The following TARS1 variants were observed in gnomAD, a reference collection of about 807,000 sequenced individuals.
TARS1 encodes threonyl-tRNA synthetase 1.
A neutral mutation model predicts 97.7 loss-of-function variants in TARS1; 57 were observed. The ratio of observed to expected loss-of-function variants is 0.58; its 90% CI spans 0.47 to 0.73. The LOEUF (loss-of-function observed/expected upper bound fraction) is 0.73, where lower values mean the gene tolerates loss of function less well. TARS1 is among the 30% of genes least tolerant of loss of function. TARS1 has a pLI of 0.00. For missense variants in TARS1, 806 were observed against 888.3 expected (o/e 0.91, Z 1.18); for synonymous variants, 312 against 293.7 (o/e 1.06, Z -0.64).
At chr5:33,464,441 T>C (rs1742439400) in intron 17 of TARS1, among the ~76,000 whole-genome samples, 1 of 152,176 alleles carries the variant, frequency 6.6e-6, no homozygotes, top group Non-Finnish European at 1.5e-5. Context: ...AAAAACTAAC[T>C]TACCAACAAA....
chr5:33,445,173 T>G (rs1189767426), intron 1 of TARS1, 151 bp from the exon 2 acceptor site: 1 of 561,294 alleles, frequency 1.8e-6, no homozygotes, highest in East Asian at 3.1e-5. Context: ...TCTTTGCCAG[T>G]GATGAAATTG....
intron 17 of TARS1, 100 bp from the exon 18 acceptor site, chr5:33,466,771 C>A: frequency 1.5e-6 from 1 of 686,856 alleles, no homozygotes; most frequent in South Asian, 3.1e-5. Context: ...CCTGGAAGTT[C>A]ATCCAAGAAG....
At chr5:33,450,557 C>T (rs925529030) in intron 3 of TARS1, among the ~76,000 whole-genome samples, 1 of 152,178 alleles carries the variant, frequency 6.6e-6, no homozygotes, top group East Asian at 1.9e-4. Flanking sequence ...TAATACCATG[C>T]AAGTTTCTAT....
chr5:33,450,400 C>A (rs181233241), intron 3 of TARS1, among the ~76,000 whole-genome samples: 1 of 152,248 alleles, frequency 6.6e-6, no homozygotes, highest in East Asian at 1.9e-4. Context: ...AGAAGCAGAA[C>A]CAGTTAGGCC....
intron 10 of TARS1, 66 bp downstream of exon 10, chr5:33,458,730 T>A (rs573319846): frequency 1.7e-6 from 2 of 1,205,464 alleles, no homozygotes; most frequent in African/African-American, 3.1e-5. Context: ...AAATAAGGTC[T>A]ACTAAAAGGA....
chr5:33,454,916 G>T (rs979824820), intron 4 of TARS1, 29 bp from the exon 5 acceptor site: 1 of 1,611,162 alleles, frequency 6.2e-7, no homozygotes, highest in Non-Finnish European at 8.5e-7. Flanking sequence ...CCAAGACTCA[G>T]ACCATGCCAT....
rs9686398 is a variant in TARS1, at chr5:33,463,539, T to G, written c.1836-214T>G. 7.7e-3 allele frequency among the ~76,000 whole-genome samples: 1,170 copies of G among 152,246 alleles called. 18 individuals carry two copies. Among genetic ancestry groups the G allele is most frequent in the African/African-American group, 0.027 (1,115 of 41,544 alleles). ...GCAAGACAAATTGTAGTTACAGGCTTTCCTTACGTAGGGTTAGTTTTCTTC... is the reference window on the plus strand; with the variant it reads ...GCAAGACAAATTGTAGTTACAGGCTGTCCTTACGTAGGGTTAGTTTTCTTC... On this transcript the variant is annotated intron_variant, in intron 16 of 18. Coordinates refer to ENST00000265112, the MANE Select transcript of TARS1 (RefSeq NM_152295.5).
At chr5:33,445,138 G>A (rs552670482) in intron 1 of TARS1, among the ~76,000 whole-genome samples, 186 bp from the exon 2 acceptor site, 1 of 152,200 alleles carries the variant, frequency 6.6e-6, no homozygotes, top group African/African-American at 2.4e-5. Flanking sequence ...TTAAAGACTT[G>A]CCTTTATTGT....
At chr5:33,454,112 A>G (rs1741894736) in intron 4 of TARS1, among the ~76,000 whole-genome samples, 1 of 152,142 alleles carries the variant, frequency 6.6e-6, no homozygotes, top group South Asian at 2.1e-4. Flanking sequence ...TAATTTCTGT[A>G]TTTTTTTCTC....
intron 1 of TARS1, among the ~76,000 whole-genome samples, chr5:33,444,732 C>T (rs1741322144): frequency 6.6e-6 from 1 of 152,192 alleles, no homozygotes; most frequent in Non-Finnish European, 1.5e-5. Context: ...TCAGAATCCA[C>T]CTGTTGAAAT....
rs148940583 is a variant in TARS1 at position 33,443,228 on chromosome 5, C to T, written c.57+2085C>T. Among the ~76,000 whole-genome samples, 694 of 151,638 alleles carry T rather than the reference C, an allele frequency of 4.6e-3. 4 individuals are homozygous for T. Among genetic ancestry groups the T allele is most frequent in the Non-Finnish European group, 8.0e-3 (545 of 67,950 alleles). On this transcript the variant is annotated intron_variant, in intron 1 of 18. Transcript: ENST00000265112. ...TCTATTACTTAATGATACAAATGGG[C>T]AAGTTACTTCTTTGAGCCAGTGTTC...
At chr5:33,462,731 C>G (rs1742353357) in intron 16 of TARS1, among the ~76,000 whole-genome samples, 1 of 152,152 alleles carries the variant, frequency 6.6e-6, no homozygotes, top group Non-Finnish European at 1.5e-5. Context: ...GGCCACATAA[C>G]TTTCATCTTA....
In TARS1 at chr5:33,467,490, T is replaced by C. The variant is rs867378606; in HGVS notation, c.2024-70T>C. The C allele has an allele frequency of 5.2e-6, 8 of 1,545,628 alleles. No individual in the cohort carries two copies. In the Middle Eastern group the frequency reaches 1.4e-3, roughly 268 times the overall value. ...TTTTGGGTCCTAGGATCATTTCTTTTCAGATGTTCAGTGTGAATTCTTCCA... is the reference window on the plus strand; with the variant it reads ...TTTTGGGTCCTAGGATCATTTCTTTCCAGATGTTCAGTGTGAATTCTTCCA... On this transcript the variant is annotated intron_variant, in intron 18 of 18. Coordinates refer to ENST00000265112, the MANE Select transcript of TARS1 (RefSeq NM_152295.5).
intron 3 of TARS1, among the ~76,000 whole-genome samples, chr5:33,451,100 C>G (rs1044730127): frequency 3.3e-5 from 5 of 152,032 alleles, no homozygotes; most frequent in African/African-American, 1.2e-4. Flanking sequence ...GGTGACAGAG[C>G]GAGAGTCCGT....
intron 18 of TARS1, 103 bp from the exon 19 acceptor site, chr5:33,467,457 G>A: frequency 1.5e-6 from 2 of 1,299,856 alleles, no homozygotes; most frequent in African/African-American, 1.5e-5. Flanking sequence ...CAGAAGCTAT[G>A]GGGTAGGTTT....
At position 33,455,102 on chromosome 5, in the gene TARS1, A is replaced by G. The variant is rs200364847; in HGVS notation, c.575+36A>G. On this transcript the variant is annotated intron_variant, in intron 5 of 18. Transcript: ENST00000265112. Reference sequence around the variant, plus strand: ...AACTAGATAAAGAAAACTGAAGTCAATGACTATGGATCCATAAGTTATTCT... The same window carrying G: ...AACTAGATAAAGAAAACTGAAGTCAGTGACTATGGATCCATAAGTTATTCT... The G allele has an allele frequency of 2.6e-5, 42 of 1,610,430 alleles. 1 individual carries two copies. The highest frequency in any genetic ancestry group is 1.8e-4 in the East Asian group (8 of 44,762).
At chr5:33,464,567 C>CTT (rs1742444102) in intron 17 of TARS1, among the ~76,000 whole-genome samples, 3 of 152,166 alleles carry the variant, frequency 2.0e-5, no homozygotes, top group Non-Finnish European at 4.4e-5. Flanking sequence ...AACATCAAAA[C>CTT]CATCATGTCT....
At chr5:33,459,229 T>C (rs528214974) in intron 10 of TARS1, among the ~76,000 whole-genome samples, 84 of 152,352 alleles carry the variant, frequency 5.5e-4, no homozygotes, top group Admixed American at 1.6e-3. Context: ...AACTACTGTT[T>C]TGAAGTTGGC....
chr5:33,463,540 T>C (rs1160587181), intron 16 of TARS1, among the ~76,000 whole-genome samples: 7 of 152,238 alleles, frequency 4.6e-5, no homozygotes, highest in African/African-American at 9.6e-5. Flanking sequence ...TTACAGGCTT[T>C]CCTTACGTAG....
Sources: allele counts gnomAD v4.1 joint callset (sites outside exome capture counted in the v4.1 genomes callset), GRCh38; gene constraint gnomAD v4.1.1; transcripts MANE v1.5; gene names NCBI Gene and HGNC (gene_info 2026-07-23, HGNC 2026-07-21).